LHPP: variants seen among roughly 807,000 people sequenced by gnomAD.
LHPP encodes the protein hLHPP.
LHPP carries 24 observed loss-of-function variants against 30.3 expected under a neutral mutation model. The observed-to-expected ratio is 0.79, with a 90% CI of 0.57 to 1.11. The LOEUF (loss-of-function observed/expected upper bound fraction) is 1.11, where lower values mean the gene tolerates loss of function less well. Among genes scored for constraint, LHPP ranks in the 50% most tolerant of loss-of-function variants. LHPP has a pLI of 0.00. For missense variants in LHPP, 356 were observed against 367.2 expected (o/e 0.97, Z 0.25); for synonymous variants, 150 against 157.1 (o/e 0.95, Z 0.34).
intron 6 of LHPP, among the ~76,000 whole-genome samples, chr10:124,585,793 T>C (rs1243488840): frequency 1.3e-5 from 2 of 151,708 alleles, no homozygotes; most frequent in Non-Finnish European, 2.9e-5. Flanking sequence ...GATGTGTGTG[T>C]TTTCTTTTTT....
chr10:124,548,694 A>G (rs941380640), intron 6 of LHPP, among the ~76,000 whole-genome samples: 1 of 152,156 alleles, frequency 6.6e-6, no homozygotes, highest in Non-Finnish European at 1.5e-5. Context: ...GTCCTGTTAG[A>G]TGCCCAGGTA....
intron 6 of LHPP, among the ~76,000 whole-genome samples, chr10:124,581,410 A>T (rs1948740671): frequency 6.6e-6 from 1 of 152,188 alleles, no homozygotes; most frequent in Non-Finnish European, 1.5e-5. Context: ...TCTCTTGAAT[A>T]TATGCCTAAG....
intron 6 of LHPP, among the ~76,000 whole-genome samples, chr10:124,599,143 A>T (rs1948990471): frequency 6.7e-6 from 1 of 150,262 alleles, no homozygotes; most frequent in Non-Finnish European, 1.5e-5. Flanking sequence ...CCATCCATCC[A>T]TTCATTGCCC....
intron 6 of LHPP, among the ~76,000 whole-genome samples, chr10:124,588,190 G>A (rs982851684): frequency 5.3e-5 from 8 of 152,236 alleles, no homozygotes; most frequent in African/African-American, 9.6e-5. Flanking sequence ...GGCACAACAC[G>A]CGTCCCTCAG....
chr10:124,471,832 A>G (rs76314074), intron 1 of LHPP, among the ~76,000 whole-genome samples: 2,065 of 146,438 alleles, frequency 0.014, 39 homozygotes, highest in African/African-American at 0.048. Context: ...TGGGATCTTA[A>G]TATATTGCCC....
chr10:124,503,917 C>G (rs964042953), intron 5 of LHPP, among the ~76,000 whole-genome samples: 3 of 152,020 alleles, frequency 2.0e-5, no homozygotes, highest in African/African-American at 7.2e-5. Context: ...GTAGGCTGGG[C>G]ATGGTGGCTC....
At chr10:124,535,205 C>T (rs1034025430) in intron 6 of LHPP, among the ~76,000 whole-genome samples, 1 of 152,204 alleles carries the variant, frequency 6.6e-6, no homozygotes, top group Admixed American at 6.5e-5. Context: ...AGCTTGTTTA[C>T]CCACCAGACG....
chr10:124,504,944 T>G (rs1954020260), intron 5 of LHPP, among the ~76,000 whole-genome samples: 1 of 152,168 alleles, frequency 6.6e-6, no homozygotes, highest in Non-Finnish European at 1.5e-5. Flanking sequence ...TCACCGTGGC[T>G]GCTTGAGGCT....
Position 124,593,070 on chromosome 10 carries a change from G to A in LHPP, c.717-20194G>A, listed in dbSNP as rs926023854. Among the ~76,000 whole-genome samples, 2 of 152,208 alleles carry A rather than the reference G, an allele frequency of 1.3e-5. No homozygotes were observed. Among genetic ancestry groups the A allele is most frequent in the Non-Finnish European group, 2.9e-5 (2 of 68,024 alleles). On this transcript the variant is annotated intron_variant, in intron 6 of 6. Transcript: ENST00000368842. The surrounding 1 kb of genome is among the most constrained non-coding windows in gnomAD (Gnocchi z 4.9). ...GGGTACAAGTTGCTAGGGAAATACA[G>A]GGGGAGGGTGCTGCCCTCCCCACTG...
chr10:124,584,906 G>A (rs1040230150), intron 6 of LHPP, among the ~76,000 whole-genome samples: 16 of 152,072 alleles, frequency 1.1e-4, no homozygotes, highest in Non-Finnish European at 1.3e-4. Context: ...GTCCTCACGC[G>A]ATGGGTCGCA....
chr10:124,495,244 T>G (rs1953668401), intron 3 of LHPP, among the ~76,000 whole-genome samples: 1 of 150,322 alleles, frequency 6.7e-6, no homozygotes, highest in Non-Finnish European at 1.5e-5. Flanking sequence ...CCCTGTGCCG[T>G]GACCCCAGAG....
At chr10:124,564,282 C>T (rs1162726179) in intron 6 of LHPP, among the ~76,000 whole-genome samples, 1 of 151,354 alleles carries the variant, frequency 6.6e-6, no homozygotes, top group Non-Finnish European at 1.5e-5. Flanking sequence ...CAGCACCACA[C>T]CCAGCTAATT....
chr10:124,497,368 C>A lies in LHPP; in HGVS notation c.531+344C>A, dbSNP rs745318678. Among the ~76,000 whole-genome samples, 4 of 151,846 alleles carry A rather than the reference C, an allele frequency of 2.6e-5. No individual in the cohort carries two copies. In the East Asian group the frequency reaches 7.8e-4, roughly 29 times the overall value. ...CAGCTGCTCTCTGCCACACTCCTCT[C>A]GGGCTTGTGGCTTCTGTATCAGTGC... On this transcript the variant is annotated intron_variant, in intron 4 of 6. Transcript: ENST00000368842.
chr10:124,581,789 AT>A (rs1203986351), intron 6 of LHPP, among the ~76,000 whole-genome samples: 1 of 142,806 alleles, frequency 7.0e-6, no homozygotes, highest in African/African-American at 2.6e-5. Context: ...ACACACACAC[AT>A]TTTTTCTTTT....
At chr10:124,463,369 C>CT (rs372849989) in intron 1 of LHPP, among the ~76,000 whole-genome samples, 12,891 of 144,636 alleles carry the variant, frequency 0.089, 1,584 homozygotes, top group African/African-American at 0.28. Flanking sequence ...CATGAGGACA[C>CT]TTTTTTTTTT....
intron 3 of LHPP, among the ~76,000 whole-genome samples, chr10:124,494,984 C>T (rs1953660329): frequency 6.6e-6 from 1 of 152,120 alleles, no homozygotes; most frequent in South Asian, 2.1e-4. Context: ...CCCGGTGTCC[C>T]CTCACTGTTT....
At chr10:124,506,674 GGGGTAGGGAAGATTTCAGGTTGGC>G (rs762487807) in intron 5 of LHPP, among the ~76,000 whole-genome samples, 1,253 of 117,570 alleles carry the variant, frequency 0.011, 26 homozygotes, top group East Asian at 0.033. Flanking sequence ...TTCAGGTTGG[GGGGTAGGGAAGATTTCAGGTTGGC>G]GGGTAGGGAA....
intron 6 of LHPP, among the ~76,000 whole-genome samples, chr10:124,557,954 C>T (rs1336039499): frequency 6.6e-6 from 1 of 152,144 alleles, no homozygotes; most frequent in Non-Finnish European, 1.5e-5. Flanking sequence ...GGCCTCGGCT[C>T]CTTCATGTCA....
chr10:124,519,278 C>T (rs937673174), intron 6 of LHPP, among the ~76,000 whole-genome samples: 2 of 152,108 alleles, frequency 1.3e-5, no homozygotes, highest in African/African-American at 2.4e-5. Context: ...AACAGTTTGC[C>T]GAATCCTTCC....
Sources: gnomAD v4.1 joint callset for allele counts (sites outside exome capture counted in the v4.1 genomes callset) on GRCh38, gnomAD v4.1.1 for gene constraint, Gnocchi (gnomAD v3.1) non-coding constraint, MANE v1.5 for transcripts, NCBI Gene and HGNC (gene_info 2026-07-23, HGNC 2026-07-21) for gene names.